SNTG1: variants seen among roughly 807,000 people sequenced by gnomAD.
SNTG1 encodes gamma-1-syntrophin.
A neutral mutation model predicts 74.7 loss-of-function variants in SNTG1; 39 were observed. The observed-to-expected ratio is 0.52, with a 90% CI of 0.40 to 0.68. SNTG1 has a LOEUF of 0.68. Ranked by LOEUF, SNTG1 falls within the 30% of genes least tolerant of loss-of-function variation. The pLI is 0.00. For missense variants in SNTG1, 685 were observed against 609.5 expected (o/e 1.12, Z -1.30); for synonymous variants, 254 against 217.1 (o/e 1.17, Z -1.49).
Position 50,716,833 on chromosome 8 carries a change from C to A in SNTG1, c.1284+7855C>A, listed in dbSNP as rs544400502. On this transcript the variant is annotated intron_variant, in intron 17 of 18. Coordinates refer to ENST00000642720, the MANE Select transcript of SNTG1 (RefSeq NM_018967.5). ...CTGCAAGCTCCACCTCCCGGGTTCA[C>A]GCCATTCTCCTGCCTCAGCCTCCTG... 5.3e-5 allele frequency among the ~76,000 whole-genome samples: 8 copies of A among 151,794 alleles called. No homozygotes were observed. The South Asian group carries it at 1.7e-3, about 32-fold the overall frequency.
intron 1 of SNTG1, among the ~76,000 whole-genome samples, chr8:50,017,108 T>C (rs900287878): frequency 1.3e-5 from 2 of 152,110 alleles, no homozygotes; most frequent in Admixed American, 1.3e-4. Flanking sequence ...AAGGACAGTA[T>C]ATGGTTTCTC....
At chr8:50,291,167 G>T (rs1324631126) in intron 2 of SNTG1, among the ~76,000 whole-genome samples, 4 of 151,880 alleles carry the variant, frequency 2.6e-5, no homozygotes, top group Non-Finnish European at 5.9e-5. Context: ...AAGACATAAG[G>T]TCTCTCCTCA....
intron 2 of SNTG1, among the ~76,000 whole-genome samples, chr8:50,310,749 C>T (rs191908882): frequency 2.0e-5 from 3 of 152,124 alleles, no homozygotes; most frequent in East Asian, 3.9e-4. Context: ...GAAAGTGAGT[C>T]TGTGAAGCTA....
chr8:49,916,520 T>C (rs533626286), intron 1 of SNTG1, among the ~76,000 whole-genome samples: 3 of 152,334 alleles, frequency 2.0e-5, no homozygotes, highest in African/African-American at 7.2e-5. Flanking sequence ...TACTTGAAGA[T>C]ATTTTTAAAA....
At chr8:50,433,055 G>T (rs1415600959) in intron 4 of SNTG1, among the ~76,000 whole-genome samples, 3 of 152,166 alleles carry the variant, frequency 2.0e-5, no homozygotes, top group Non-Finnish European at 2.9e-5. Context: ...CTCCCAAAGT[G>T]CTGGGATTAC....
intron 1 of SNTG1, among the ~76,000 whole-genome samples, chr8:50,153,503 C>T (rs2082145122): frequency 6.6e-6 from 1 of 152,162 alleles, no homozygotes; most frequent in South Asian, 2.1e-4. Flanking sequence ...TTCAGCTTTT[C>T]TGCTCTGTTT....
chr8:50,609,532 A>G (rs1390929079), intron 13 of SNTG1, among the ~76,000 whole-genome samples: 3 of 151,980 alleles, frequency 2.0e-5, no homozygotes, highest in Admixed American at 1.3e-4. Flanking sequence ...ATTCCACTTG[A>G]GACTTCTTGA....
At chr8:50,680,446 G>A (rs768799591) in intron 15 of SNTG1, among the ~76,000 whole-genome samples, 46 of 152,092 alleles carry the variant, frequency 3.0e-4, no homozygotes, top group Non-Finnish European at 4.4e-5. Context: ...TTATGTGAAT[G>A]GGATCAAAAC....
chr8:50,438,087 C>T (rs367636815), intron 4 of SNTG1, among the ~76,000 whole-genome samples: 21 of 152,122 alleles, frequency 1.4e-4, no homozygotes, highest in African/African-American at 2.7e-4. Context: ...GTGCTGGCCA[C>T]GGCAGCCTCC....
chr8:50,146,266 C>G (rs1035599209), intron 1 of SNTG1, among the ~76,000 whole-genome samples: 1 of 151,932 alleles, frequency 6.6e-6, no homozygotes, highest in Non-Finnish European at 1.5e-5. Flanking sequence ...GCCTGTAATC[C>G]CAGCACTTTG....
chr8:49,958,933 A>C (rs550949561), intron 1 of SNTG1, among the ~76,000 whole-genome samples: 1 of 152,242 alleles, frequency 6.6e-6, no homozygotes, highest in African/African-American at 2.4e-5. Flanking sequence ...ACAAAGCCTA[A>C]AGTATCTTGT....
intron 2 of SNTG1, among the ~76,000 whole-genome samples, chr8:50,368,620 G>T (rs1403508724): frequency 6.6e-6 from 1 of 152,076 alleles, no homozygotes; most frequent in Non-Finnish European, 1.5e-5. Flanking sequence ...GAACTGAAGA[G>T]GATAGGGGGA....
At chr8:50,217,567 C>G (rs941264271) in intron 2 of SNTG1, among the ~76,000 whole-genome samples, 1 of 152,080 alleles carries the variant, frequency 6.6e-6, no homozygotes, top group Non-Finnish European at 1.5e-5. Flanking sequence ...TGGGTGCACA[C>G]AAGGCCAAAT....
chr8:49,916,768 T>C (rs1034020111), intron 1 of SNTG1, among the ~76,000 whole-genome samples: 2 of 151,728 alleles, frequency 1.3e-5, no homozygotes, highest in Non-Finnish European at 2.9e-5. Context: ...CACTTTGGGA[T>C]ACCGAGGCAA....
chr8:50,114,300 A>G (rs1212763508), intron 1 of SNTG1, among the ~76,000 whole-genome samples: 1 of 152,218 alleles, frequency 6.6e-6, no homozygotes. Flanking sequence ...TAAGCAGTAA[A>G]AGAATGTATC....
At chr8:50,561,383 C>T (rs1563577982) in intron 12 of SNTG1, among the ~76,000 whole-genome samples, 1 of 151,922 alleles carries the variant, frequency 6.6e-6, no homozygotes, top group Admixed American at 6.6e-5. Flanking sequence ...CAGACTAAAA[C>T]AGTTAATTTA....
intron 11 of SNTG1, 22 bp from the exon 12 acceptor site, chr8:50,553,028 G>T (rs530109651): frequency 1.7e-5 from 27 of 1,613,402 alleles, no homozygotes; most frequent in Non-Finnish European, 2.2e-5. Context: ...GTTTTGATCT[G>T]ATTTGTTCTG....
At chr8:50,209,213 A>T (rs2084392156) in intron 2 of SNTG1, among the ~76,000 whole-genome samples, 1 of 152,040 alleles carries the variant, frequency 6.6e-6, no homozygotes, top group Non-Finnish European at 1.5e-5. Flanking sequence ...TAGATAAACA[A>T]AGTGGCCAGG....
intron 1 of SNTG1, among the ~76,000 whole-genome samples, chr8:49,957,843 G>A (rs1002053598): frequency 3.3e-5 from 5 of 152,168 alleles, no homozygotes; most frequent in African/African-American, 4.8e-5. Flanking sequence ...GTGTGTGCCT[G>A]TAGTCCCAGC....
Sources: allele counts gnomAD v4.1 joint callset (sites outside exome capture counted in the v4.1 genomes callset), GRCh38; gene constraint gnomAD v4.1.1; transcripts MANE v1.5; gene names NCBI Gene and HGNC (gene_info 2026-07-23, HGNC 2026-07-21).